The following RFWD3 variants were observed in gnomAD, a reference collection of about 807,000 sequenced individuals.
RFWD3 encodes ring finger and WD repeat domain 3, also known as E3 ubiquitin-protein ligase RFWD3.
A neutral mutation model predicts 87.7 loss-of-function variants in RFWD3; 65 were observed. That is an observed-to-expected ratio of 0.74 (90% confidence interval 0.61 to 0.91). The LOEUF (loss-of-function observed/expected upper bound fraction) is 0.91. Among genes scored for constraint, RFWD3 ranks in the 40% least tolerant of loss-of-function variants. The probability of loss-of-function intolerance (pLI) is 0.00; values close to 1 mark genes in which losing one functional copy is unlikely to be tolerated. For synonymous variants in RFWD3, 433 were observed against 352.8 expected, an observed-to-expected ratio of 1.23 and a Z score of -2.55; for missense variants, 1,078 against 938.5, an observed-to-expected ratio of 1.15 and a Z score of -1.94.
chr16:74,635,443 C>T (rs572022052), intron 8 of RFWD3, among the ~76,000 whole-genome samples: 18 of 149,366 alleles, frequency 1.2e-4, no homozygotes, highest in African/African-American at 3.2e-4. Context: ...CTCCAGCCTG[C>T]GCAAAAGAGT....
chr16:74,624,573 T>A (rs1159569698), intron 12 of RFWD3, among the ~76,000 whole-genome samples: 1 of 152,222 alleles, frequency 6.6e-6, no homozygotes, highest in Non-Finnish European at 1.5e-5. Context: ...TTTTCTTGTA[T>A]TTTTGGTAGA....
chr16:74,637,787 A>C (rs771117691), intron 7 of RFWD3, 69 bp downstream of exon 7: 1 of 1,124,230 alleles, frequency 8.9e-7, no homozygotes, highest in East Asian at 2.5e-5. Context: ...TGAGATGAAC[A>C]TAACTAACAT....
rs1961364941 is a variant in RFWD3, at chr16:74,660,805, G to A, written c.518+127C>T. Reference sequence around the variant, plus strand: ...GGCAAGCACTTTTATTTCCACCTATGAGGAACTGGGGGTCAGAAGTTACCT... The same window carrying A: ...GGCAAGCACTTTTATTTCCACCTATAAGGAACTGGGGGTCAGAAGTTACCT... On this transcript the variant is annotated intron_variant, in intron 2 of 12. Transcript: ENST00000361070. The A allele has an allele frequency of 1.2e-5, 12 of 989,074 alleles. No homozygotes were observed. In the South Asian group the frequency reaches 1.9e-4, roughly 16 times the overall value. The allele number at this position is 989,074 out of a possible 1,614,324, so 61.3% of individuals were successfully genotyped here.
chr16:74,636,829 G>A (rs1483476777), intron 7 of RFWD3, among the ~76,000 whole-genome samples: 1 of 151,536 alleles, frequency 6.6e-6, no homozygotes, highest in Non-Finnish European at 1.5e-5. Context: ...TTCTGCCTCA[G>A]CCTCCTGAGT....
chr16:74,634,529 G>C (rs1485318911), intron 8 of RFWD3, among the ~76,000 whole-genome samples: 1 of 152,000 alleles, frequency 6.6e-6, no homozygotes. Flanking sequence ...GGACCAGAGA[G>C]GTGTGCCACC....
At chr16:74,648,176 C>G (rs1960303727) in intron 4 of RFWD3, among the ~76,000 whole-genome samples, 1 of 152,056 alleles carries the variant, frequency 6.6e-6, no homozygotes, top group Admixed American at 6.5e-5. Context: ...ACCTTGTTGG[C>G]TAGACAGGAC....
intron 6 of RFWD3, among the ~76,000 whole-genome samples, chr16:74,641,277 C>T (rs1959620442): frequency 6.6e-6 from 1 of 152,092 alleles, no homozygotes; most frequent in Non-Finnish European, 1.5e-5. Flanking sequence ...ATCCTCCTGC[C>T]TCAGTCTCCC....
At chr16:74,656,948 T>C (rs1341081234) in intron 2 of RFWD3, among the ~76,000 whole-genome samples, 13 of 152,246 alleles carry the variant, frequency 8.5e-5, no homozygotes, top group Non-Finnish European at 1.9e-4. Context: ...TTAGAAGATG[T>C]GACTGAATTG....
chr16:74,633,884 A>G (rs550070443), intron 8 of RFWD3, among the ~76,000 whole-genome samples: 1 of 151,998 alleles, frequency 6.6e-6, no homozygotes, highest in Non-Finnish European at 1.5e-5. Context: ...CAGGAGGCGG[A>G]GGTTGTAATG....
intron 2 of RFWD3, among the ~76,000 whole-genome samples, chr16:74,654,617 C>T (rs936258092): frequency 6.6e-6 from 1 of 152,124 alleles, no homozygotes; most frequent in Non-Finnish European, 1.5e-5. Flanking sequence ...TCAGGCATCT[C>T]TCACTTTAAA....
chr16:74,623,900 G>A lies in RFWD3; in HGVS notation c.*28C>T, dbSNP rs201568694. On this transcript the variant is annotated 3_prime_UTR_variant, in exon 13 of 13. Transcript: ENST00000361070. ...GCTAGCAAACAACATCTAACCAGCAGCATGCCTTCAAGGTTTCGAGACCAC... is the reference window on the plus strand; with the variant it reads ...GCTAGCAAACAACATCTAACCAGCAACATGCCTTCAAGGTTTCGAGACCAC... The A allele has an allele frequency of 3.1e-6, 5 of 1,612,482 alleles. No individual in the cohort carries two copies. Among genetic ancestry groups the A allele is most frequent in the South Asian group, 2.2e-5 (2 of 90,926 alleles).
rs56803461 is a variant in RFWD3, at chr16:74,643,669, G to GCTTTTTTTTTTTTTTTTTTTTTTTT, written c.1079+692_1079+693insAAAAAAAAAAAAAAAAAAAAAAAAG. Among the ~76,000 whole-genome samples the GCTTTTTTTTTTTTTTTTTTTTTTTT allele has an allele frequency of 3.8e-5, 4 of 105,054 alleles. 2 individuals carry two copies. The highest frequency in any genetic ancestry group is 6.2e-4 in the South Asian group (2 of 3,236). 68.9% of individuals were successfully genotyped at this position (105,054 alleles called of 152,430 possible). On this transcript the variant is annotated intron_variant, in intron 6 of 12. Coordinates refer to ENST00000361070, the MANE Select transcript of RFWD3 (RefSeq NM_018124.4). Reference sequence around the variant, plus strand: ...ATACTGAGTGGTGTTACTAGCAACTGTTTTTTTTTTTTTTTTTTTTTTTTG... The same window carrying GCTTTTTTTTTTTTTTTTTTTTTTTT: ...ATACTGAGTGGTGTTACTAGCAACTGCTTTTTTTTTTTTTTTTTTTTTTTTTTTTTTTTTTTTTTTTTTTTTTTTG...
intron 2 of RFWD3, among the ~76,000 whole-genome samples, chr16:74,659,267 C>T (rs910902570): frequency 2.0e-5 from 3 of 152,152 alleles, no homozygotes; most frequent in African/African-American, 4.8e-5. Flanking sequence ...CAAGAGGCCT[C>T]CTGACAGTCA....
At position 74,631,823 on chromosome 16, in the gene RFWD3, G is replaced by A. The variant is rs1597414431; in HGVS notation, c.1577+700C>T. On this transcript the variant is annotated intron_variant, in intron 9 of 12. Coordinates refer to ENST00000361070, the MANE Select transcript of RFWD3 (RefSeq NM_018124.4). ...AACTTTAAAGACGGGGTTTCACCAT[G>A]TTGGCCAGGCTGGTCTCAAACCCCT... Among the ~76,000 whole-genome samples the A allele has an allele frequency of 3.9e-5, 6 of 152,150 alleles. No individual in the cohort carries two copies. The Middle Eastern group carries it at 0.02, about 518-fold the overall frequency.
chr16:74,632,461 C>T (rs546152933), intron 9 of RFWD3, 62 bp downstream of exon 9: 9 of 1,550,946 alleles, frequency 5.8e-6, no homozygotes, highest in East Asian at 4.5e-5. Context: ...AACACCGATA[C>T]GAATTCCATG....
chr16:74,644,303 G>A (rs1481811494), intron 6 of RFWD3, 59 bp downstream of exon 6: 6 of 1,532,288 alleles, frequency 3.9e-6, no homozygotes, highest in Non-Finnish European at 4.5e-6. Flanking sequence ...TTCTTTTTCA[G>A]ATGTGCCTAC....
chr16:74,637,496 G>A (rs1030336401), intron 7 of RFWD3, among the ~76,000 whole-genome samples: 2 of 151,972 alleles, frequency 1.3e-5, no homozygotes, highest in African/African-American at 2.4e-5. Context: ...GCATGGTGGT[G>A]GGCTCCTGTA....
intron 3 of RFWD3, among the ~76,000 whole-genome samples, chr16:74,650,417 G>A (rs1250511571): frequency 2.0e-5 from 3 of 150,742 alleles, no homozygotes; most frequent in South Asian, 2.1e-4. Context: ...TACTTCCTAA[G>A]TGGCATGAGT....
At chr16:74,656,774 T>C (rs549074549) in intron 2 of RFWD3, among the ~76,000 whole-genome samples, 23 of 152,300 alleles carry the variant, frequency 1.5e-4, no homozygotes, top group Non-Finnish European at 3.2e-4. Flanking sequence ...CCATCCTTGA[T>C]GCCCCTAAGA....
Sources: gnomAD v4.1 joint callset for allele counts (sites outside exome capture counted in the v4.1 genomes callset) on GRCh38, gnomAD v4.1.1 for gene constraint, MANE v1.5 for transcripts, NCBI Gene and HGNC (gene_info 2026-07-23, HGNC 2026-07-21) for gene names.